The following CACNA1B variants were observed in gnomAD, a reference collection of about 807,000 sequenced individuals.
The protein encoded by CACNA1B is voltage-dependent N-type calcium channel subunit alpha-1B.
In CACNA1B, 70 loss-of-function variants were observed where a neutral mutation model predicts 247.2. The observed-to-expected ratio is 0.28, with a 90% CI of 0.23 to 0.35. The LOEUF (loss-of-function observed/expected upper bound fraction) is 0.35. Among genes scored for constraint, CACNA1B ranks in the 10% least tolerant of loss-of-function variants. The probability of loss-of-function intolerance (pLI) is 1.00; values close to 1 mark genes in which losing one functional copy is unlikely to be tolerated. For missense variants in CACNA1B, 2,367 were observed against 3,197.4 expected, an observed-to-expected ratio of 0.74 and a Z score of 6.26; for synonymous variants, 1,231 against 1,294.4, an observed-to-expected ratio of 0.95 and a Z score of 1.05.
chr9:137,920,838 A>G (rs117292994), intron 6 of CACNA1B, among the ~76,000 whole-genome samples: 1 of 152,318 alleles, frequency 6.6e-6, no homozygotes, highest in East Asian at 1.9e-4. Context: ...CGATGATGTG[A>G]CTTGAGGCAC....
At chr9:137,894,224 G>A (rs140056094) in intron 3 of CACNA1B, among the ~76,000 whole-genome samples, 11 of 151,626 alleles carry the variant, frequency 7.3e-5, no homozygotes, top group Non-Finnish European at 1.3e-4. Flanking sequence ...AGCCAGAGTG[G>A]ATGTCCCGTT....
chr9:138,119,479 C>G (rs1211024610), intron 44 of CACNA1B, among the ~76,000 whole-genome samples: 2 of 152,158 alleles, frequency 1.3e-5, no homozygotes, highest in African/African-American at 4.8e-5. Context: ...CCGTGCCAGC[C>G]CTGTCCCTCG....
rs200238090 is a variant in CACNA1B at position 137,917,440 on chromosome 9, C to T, written c.966+9C>T. ...CTGACATCCTCTATAATGTGAGTGGCGTCTTGGCCCTGGGCCTGAGGGCAG... is the reference window on the plus strand; with the variant it reads ...CTGACATCCTCTATAATGTGAGTGGTGTCTTGGCCCTGGGCCTGAGGGCAG... On this transcript the variant is annotated intron_variant, in intron 6 of 46. Transcript: ENST00000371372. The surrounding 1 kb of genome is among the most constrained non-coding windows in gnomAD (Gnocchi z 5.5). The T allele has an allele frequency of 4.1e-5, 66 of 1,610,594 alleles. No homozygotes were observed. The highest frequency in any genetic ancestry group is 5.3e-5 in the African/African-American group (4 of 74,896).
chr9:138,003,902 G>A (rs757671249), intron 15 of CACNA1B, among the ~76,000 whole-genome samples: 1 of 151,108 alleles, frequency 6.6e-6, no homozygotes, highest in Non-Finnish European at 1.5e-5. Context: ...GACTACAGAC[G>A]TGAGCCACCA....
intron 13 of CACNA1B, 48 bp downstream of exon 13, chr9:137,984,298 G>A (rs1958329311): frequency 7.3e-7 from 1 of 1,362,678 alleles, no homozygotes; most frequent in Non-Finnish European, 1.0e-6. Context: ...GGTGGAGAGG[G>A]CGTGGGATCA....
chr9:138,074,550 G>A (rs574139270), intron 34 of CACNA1B, among the ~76,000 whole-genome samples: 5 of 152,300 alleles, frequency 3.3e-5, no homozygotes, highest in South Asian at 4.1e-4. Context: ...CTAAACTTAC[G>A]TAACCCTCAG....
chr9:138,067,572 G>C (rs972152627), intron 31 of CACNA1B, among the ~76,000 whole-genome samples: 2 of 152,214 alleles, frequency 1.3e-5, no homozygotes, highest in Non-Finnish European at 2.9e-5. Context: ...GATGGCGCAC[G>C]CCTGTAATTC....
intron 32 of CACNA1B, among the ~76,000 whole-genome samples, chr9:138,071,814 C>T (rs1960143473): frequency 6.6e-6 from 1 of 152,106 alleles, no homozygotes; most frequent in Non-Finnish European, 1.5e-5. Context: ...CCTGACTGTG[C>T]TTTGAGCCAG....
intron 20 of CACNA1B, among the ~76,000 whole-genome samples, chr9:138,030,052 C>T (rs1958970115): frequency 6.6e-6 from 1 of 152,204 alleles, no homozygotes; most frequent in Admixed American, 6.5e-5. Flanking sequence ...TCCTTTCTGA[C>T]ATACATGCCT....
chr9:137,896,657 T>C (rs1458270458), intron 3 of CACNA1B, among the ~76,000 whole-genome samples: 4 of 152,216 alleles, frequency 2.6e-5, no homozygotes, highest in Non-Finnish European at 5.9e-5. Flanking sequence ...TTAGAAATGC[T>C]CTCCCTCTTC....
At chr9:138,048,793 C>T (rs1282506672) in intron 23 of CACNA1B, among the ~76,000 whole-genome samples, 2 of 152,186 alleles carry the variant, frequency 1.3e-5, no homozygotes, top group African/African-American at 4.8e-5. Context: ...TCTCAGCTCA[C>T]TGCAGTCTCT....
chr9:137,970,934 G>A (rs7851743), intron 10 of CACNA1B, among the ~76,000 whole-genome samples: 2,739 of 152,294 alleles, frequency 0.018, 62 homozygotes, highest in East Asian at 0.13. Flanking sequence ...CAGCCCATGC[G>A]TGCTGACCCC....
rs776336878 is a variant in CACNA1B, at chr9:138,023,733, C to G, written c.2990C>G (p.Thr997Arg). ...CACGAGGCTGTGGAGAAGGAGACCA[C>G]GGAGAAGGAGGCCACGGAGAAGGAG... ...PAHEAVEKET[T>R]EKEATEKEAE... Residue 997 changes from threonine (T) to arginine (R), a missense_variant, in exon 19 of 47, where the codon ACG becomes AGG. Thr to Arg is a moderately conservative substitution (Grantham distance 71). Around this residue, in one of 12 missense-constraint regions of CACNA1B, gnomAD observed 631 missense variants for 631.1 expected, o/e 1.00. Coordinates refer to ENST00000371372, the MANE Select transcript of CACNA1B (RefSeq NM_000718.4). 1 of 1,009,744 alleles carries G rather than the reference C, an allele frequency of 9.9e-7. No individual in the cohort carries two copies. The highest frequency in any genetic ancestry group is 2.3e-5 in the South Asian group (1 of 43,922). 62.5% of individuals were successfully genotyped at this position (1,009,744 alleles called of 1,614,324 possible).
intron 18 of CACNA1B, among the ~76,000 whole-genome samples, chr9:138,022,294 T>C (rs1447616229): frequency 1.3e-5 from 2 of 152,144 alleles, no homozygotes; most frequent in Non-Finnish European, 2.9e-5. Flanking sequence ...GCTTCAGACC[T>C]GACTTCTGGG....
intron 6 of CACNA1B, among the ~76,000 whole-genome samples, chr9:137,939,640 A>G (rs1235332827): frequency 6.6e-6 from 1 of 151,674 alleles, no homozygotes; most frequent in African/African-American, 2.4e-5. Flanking sequence ...TCTACCAAAA[A>G]TACAAAAAAA....
chr9:137,878,576 C>T (rs971567665), intron 1 of CACNA1B, among the ~76,000 whole-genome samples: 5 of 152,168 alleles, frequency 3.3e-5, no homozygotes, highest in African/African-American at 9.6e-5. Flanking sequence ...GCTGCAGGTG[C>T]CTGCGTGTGC....
rs755770252 is a variant in CACNA1B, at chr9:138,115,639, C to T, written c.5737C>T (p.Arg1913Ter). ...GCTCCGAGGAGCCCGGGTTTTCCTT[C>T]GACAGAAGAGTTCCACCTCCCTCAG... Reference protein sequence around the residue: ...AVLRGARVFLRQKSSTSLSNG... With the variant: ...AVLRGARVFL The change falls in exon 42 of 47, where the codon CGA (arginine) becomes TGA (stop). Residue 1913 changes from arginine to a stop codon, truncating the protein, a stop_gained. Transcript: ENST00000371372. LOFTEE classifies it high-confidence loss of function. The T allele has an allele frequency of 2.5e-6, 4 of 1,613,736 alleles. No individual in the cohort carries two copies. Among genetic ancestry groups the T allele is most frequent in the East Asian group, 2.2e-5 (1 of 44,864 alleles).
rs183667271 is a variant in CACNA1B at position 138,042,747 on chromosome 9, C to A, written c.3287-1027C>A. ...GGTGGTATAGACCCCACTGCTGTGG[C>A]CTTCGCTGTTTTCATGCTCACCTCG... On this transcript the variant is annotated intron_variant, in intron 20 of 46. Coordinates refer to ENST00000371372, the MANE Select transcript of CACNA1B (RefSeq NM_000718.4). Among the ~76,000 whole-genome samples the A allele has an allele frequency of 9.9e-4, 150 of 152,280 alleles. 1 individual carries two copies. Among genetic ancestry groups the A allele is most frequent in the African/African-American group, 3.5e-3 (144 of 41,548 alleles).
At chr9:138,024,841 C>G (rs567746181) in intron 19 of CACNA1B, 114 bp from the exon 20 acceptor site, 2 of 717,118 alleles carry the variant, frequency 2.8e-6, no homozygotes, top group African/African-American at 3.5e-5. Context: ...GCCATATTCC[C>G]CAGGCTGGTC....
Sources: gnomAD v4.1 joint callset for allele counts (sites outside exome capture counted in the v4.1 genomes callset) on GRCh38, gnomAD v4.1.1 for gene constraint, gnomAD v4.1.1 regional missense constraint, Gnocchi (gnomAD v3.1) non-coding constraint, MANE v1.5 for transcripts, NCBI Gene and HGNC (gene_info 2026-07-23, HGNC 2026-07-21) for gene names.